The following SLC24A3 variants were observed in gnomAD, a reference collection of about 807,000 sequenced individuals.
SLC24A3 encodes solute carrier family 24 member 3.
A neutral mutation model predicts 75.8 loss-of-function variants in SLC24A3; 28 were observed. The observed-to-expected ratio is 0.37, with a 90% CI of 0.27 to 0.51. The LOEUF is 0.51. SLC24A3 is among the 20% of genes least tolerant of loss of function. SLC24A3 has a pLI of 0.94. For missense variants in SLC24A3, 663 were observed against 847.8 expected (o/e 0.78, Z 2.71); for synonymous variants, 372 against 334.1 (o/e 1.11, Z -1.24).
At position 19,621,413 on chromosome 20, in the gene SLC24A3, T is replaced by A. The variant is rs1403818938; in HGVS notation, c.613-32649T>A. Among the ~76,000 whole-genome samples, 7 of 152,190 alleles carry A rather than the reference T, an allele frequency of 4.6e-5. No homozygotes were observed. The East Asian group carries it at 1.3e-3, about 29-fold the overall frequency. On this transcript the variant is annotated intron_variant, in intron 6 of 16. Transcript: ENST00000328041. ...ATTTGTAGAAGGGTTGTTGGTTGGT[T>A]TGTTTAGTTGTTTTTAACTAAAGAT...
At chr20:19,635,159 T>C (rs1335093506) in intron 6 of SLC24A3, among the ~76,000 whole-genome samples, 1 of 152,182 alleles carries the variant, frequency 6.6e-6, no homozygotes, top group Non-Finnish European at 1.5e-5. Flanking sequence ...CTCGTTGAAA[T>C]AACAGCCTGA....
At chr20:19,346,301 T>C (rs1281211508) in intron 2 of SLC24A3, among the ~76,000 whole-genome samples, 2 of 111,500 alleles carry the variant, frequency 1.8e-5, no homozygotes, top group Admixed American at 1.8e-4. Context: ...ATATATATGG[T>C]GTATATATAT....
intron 2 of SLC24A3, among the ~76,000 whole-genome samples, chr20:19,402,174 A>T (rs1332106528): frequency 6.6e-6 from 1 of 152,212 alleles, no homozygotes; most frequent in Admixed American, 6.5e-5. Context: ...CTGAAGCTCT[A>T]ATCTAAAGAT....
chr20:19,228,601 C>G (rs950456750), intron 1 of SLC24A3, among the ~76,000 whole-genome samples: 1 of 151,492 alleles, frequency 6.6e-6, no homozygotes, highest in African/African-American at 2.4e-5. Flanking sequence ...GCTGAGATCA[C>G]GCCACTGCAC....
At chr20:19,636,120 A>G (rs2122691706) in intron 6 of SLC24A3, among the ~76,000 whole-genome samples, 1 of 150,294 alleles carries the variant, frequency 6.7e-6, no homozygotes, top group African/African-American at 2.5e-5. Context: ...AGCCTGGGCG[A>G]CAGAGCGAGA....
At chr20:19,568,178 CTA>C (rs1365280688) in intron 3 of SLC24A3, among the ~76,000 whole-genome samples, 1 of 152,180 alleles carries the variant, frequency 6.6e-6, no homozygotes. Flanking sequence ...CCCATTTACA[CTA>C]TAGTTAGGAA....
At position 19,274,205 on chromosome 20, in the gene SLC24A3, T is replaced by C. The variant is rs75708795; in HGVS notation, c.143-6754T>C. Among the ~76,000 whole-genome samples, 16 of 151,224 alleles carry C rather than the reference T, an allele frequency of 1.1e-4. No individual in the cohort carries two copies. The East Asian group carries it at 3.3e-3, about 31-fold the overall frequency. On this transcript the variant is annotated intron_variant, in intron 1 of 16. Coordinates refer to ENST00000328041, the MANE Select transcript of SLC24A3 (RefSeq NM_020689.4). ...ATGCCTGTGATTGCCGCCGCTGAGT[T>C]GGGGACATTAGAGGGAGACCTTGAC...
In SLC24A3 at chr20:19,296,789, A is replaced by G. The variant is rs184384198; in HGVS notation, c.271+15702A>G. Among the ~76,000 whole-genome samples the G allele has an allele frequency of 3.3e-5, 5 of 152,320 alleles. No individual in the cohort carries two copies. In the South Asian group the frequency reaches 1.0e-3, roughly 32 times the overall value. On this transcript the variant is annotated intron_variant, in intron 2 of 16. Coordinates refer to ENST00000328041, the MANE Select transcript of SLC24A3 (RefSeq NM_020689.4). The stretch of plus-strand genomic sequence containing the variant: ...GCTTTCCACCTAAAAACAACAGATT[A>G]TACATTCTTCTTGGAGCCACGTGGC...
intron 3 of SLC24A3, among the ~76,000 whole-genome samples, chr20:19,528,781 C>T (rs1250944611): frequency 1.3e-5 from 2 of 152,248 alleles, no homozygotes; most frequent in South Asian, 2.1e-4. Context: ...CTGTGGACCA[C>T]AGGAATTAGG....
chr20:19,366,666 C>T (rs1985896685), intron 2 of SLC24A3, among the ~76,000 whole-genome samples: 1 of 152,028 alleles, frequency 6.6e-6, no homozygotes, highest in Admixed American at 6.6e-5. Flanking sequence ...AATCTTTGAT[C>T]ACAGAGGGAT....
chr20:19,577,194 A>G (rs1170882111), intron 3 of SLC24A3, among the ~76,000 whole-genome samples: 3 of 151,908 alleles, frequency 2.0e-5, no homozygotes, highest in Non-Finnish European at 4.4e-5. Context: ...AGCCGGGAGT[A>G]CAGGAGCCCA....
At chr20:19,432,100 C>A (rs1329357496) in intron 2 of SLC24A3, among the ~76,000 whole-genome samples, 1 of 152,042 alleles carries the variant, frequency 6.6e-6, no homozygotes, top group Non-Finnish European at 1.5e-5. Flanking sequence ...TCAAAGGCAC[C>A]ACTGAGGTGA....
At chr20:19,586,680 C>T (rs1018522621) in intron 6 of SLC24A3, among the ~76,000 whole-genome samples, 6 of 152,160 alleles carry the variant, frequency 3.9e-5, no homozygotes, top group Non-Finnish European at 7.4e-5. Context: ...CCGTCATCTT[C>T]GTGCCTATTG....
At chr20:19,325,796 A>ATATAT (rs55662440) in intron 2 of SLC24A3, among the ~76,000 whole-genome samples, 1 of 46,794 alleles carries the variant, frequency 2.1e-5, no homozygotes, top group Non-Finnish European at 3.8e-5. Flanking sequence ...ATATATATAT[A>ATATAT]GAGAGAGAGA....
intron 2 of SLC24A3, among the ~76,000 whole-genome samples, chr20:19,344,109 C>T (rs1985335679): frequency 6.6e-6 from 1 of 152,186 alleles, no homozygotes. Context: ...TGAACACCTC[C>T]TCCTTCAGTG....
intron 3 of SLC24A3, among the ~76,000 whole-genome samples, chr20:19,578,293 C>T (rs759450266): frequency 2.0e-4 from 30 of 151,642 alleles, no homozygotes; most frequent in Admixed American, 3.9e-4. Context: ...TACATGCTTG[C>T]GTGTGTGTGC....
chr20:19,514,034 C>T (rs944889645), intron 2 of SLC24A3, among the ~76,000 whole-genome samples: 2 of 152,234 alleles, frequency 1.3e-5, no homozygotes, highest in Non-Finnish European at 2.9e-5. Flanking sequence ...ATGTACTAGA[C>T]GTACCCTTTG....
intron 2 of SLC24A3, among the ~76,000 whole-genome samples, chr20:19,442,233 T>TG (rs1415846491): frequency 1.3e-5 from 2 of 152,220 alleles, no homozygotes; most frequent in Non-Finnish European, 2.9e-5. Flanking sequence ...GGAACACAAT[T>TG]GCCTGATCAA....
At chr20:19,518,188 G>T (rs966922914) in intron 3 of SLC24A3, among the ~76,000 whole-genome samples, 2 of 152,220 alleles carry the variant, frequency 1.3e-5, no homozygotes. Flanking sequence ...CATTTGACTG[G>T]CCAGCAGGAA....
Sources: gnomAD v4.1 joint callset for allele counts (sites outside exome capture counted in the v4.1 genomes callset) on GRCh38, gnomAD v4.1.1 for gene constraint, MANE v1.5 for transcripts, NCBI Gene and HGNC (gene_info 2026-07-23, HGNC 2026-07-21) for gene names.